The following ABR variants were observed in gnomAD, a reference collection of about 807,000 sequenced individuals.
ABR encodes active breakpoint cluster region-related protein.
ABR carries 35 observed loss-of-function variants against 107.2 expected under a neutral mutation model. The ratio of observed to expected loss-of-function variants is 0.33; its 90% CI spans 0.25 to 0.43. The LOEUF is 0.43. Among genes scored for constraint, ABR ranks in the 20% least tolerant of loss-of-function variants. ABR has a pLI of 1.00. For missense variants in ABR, 815 were observed against 1,115.2 expected (o/e 0.73, Z 3.83); for synonymous variants, 498 against 462.0 (o/e 1.08, Z -1.00).
intron 1 of ABR, among the ~76,000 whole-genome samples, chr17:1,162,645 C>A (rs2041348996): frequency 6.6e-6 from 1 of 152,052 alleles, no homozygotes; most frequent in Non-Finnish European, 1.5e-5. Flanking sequence ...TCCTGACGGG[C>A]CCTAATGGAT....
chr17:1,227,360 C>T (rs2043241358), intron 1 of ABR, among the ~76,000 whole-genome samples: 1 of 152,150 alleles, frequency 6.6e-6, no homozygotes, highest in African/African-American at 2.4e-5. Flanking sequence ...GTTGGGTAGC[C>T]TCCACCAAGG....
rs2043286248 is a variant in ABR, at chr17:1,229,221, TC to T, written c.409del (p.Glu137ArgfsTer62). ...GGGGTCCCCGAGGGGCGCGTCGTCC[TC>T]CCGGGCCCGGAACCGCAGCTGGGGC... On this transcript the variant is annotated frameshift_variant, in exon 1 of 23. Coordinates refer to the ABR transcript ENST00000574139. LOFTEE classifies it high-confidence loss of function. Among the ~76,000 whole-genome samples the T allele has an allele frequency of 6.6e-6, 1 of 151,450 alleles. No homozygotes were observed. The highest frequency in any genetic ancestry group is 1.5e-5 in the Non-Finnish European group (1 of 67,786).
chr17:1,079,025 G>GCC, intron 6 of ABR: 1 of 1,448,886 alleles, frequency 6.9e-7, no homozygotes, highest in Non-Finnish European at 9.1e-7. Context: ...GGAGGGAGGC[G>GCC]CGTGGCGAGG....
intron 3 of ABR, among the ~76,000 whole-genome samples, chr17:1,098,124 G>A (rs1306194223): frequency 6.6e-6 from 1 of 150,740 alleles, no homozygotes; most frequent in African/African-American, 2.4e-5. Flanking sequence ...CCAGGCTGGA[G>A]TGCAGTGGCG....
intron 1 of ABR, among the ~76,000 whole-genome samples, chr17:1,146,260 GACACACACACACACACAC>G (rs60058475): frequency 1.6e-4 from 23 of 140,216 alleles, no homozygotes; most frequent in African/African-American, 6.2e-4. Flanking sequence ...GGCACATGGA[GACACACACACACACACAC>G]ACACACACAC....
At chr17:1,012,292 C>T (rs967068482) in intron 18 of ABR, 2 of 642,232 alleles carry the variant, frequency 3.1e-6, no homozygotes, top group Non-Finnish European at 5.8e-6. Context: ...CAGCAGGCAG[C>T]CCACATGAGG....
chr17:1,214,578 G>A lies in ABR; in HGVS notation c.838+14215C>T, dbSNP rs78939064. 6.9e-3 allele frequency among the ~76,000 whole-genome samples: 1,049 copies of A among 152,036 alleles called. 48 individuals are homozygous for A. The East Asian group carries it at 0.13, about 19-fold the overall frequency. On this transcript the variant is annotated intron_variant, in intron 1 of 22. Coordinates refer to the ABR transcript ENST00000574139. ...GCACTTTGGGAGGCTGAGGCAGGTAGATCACCTGACGTCAGGAGTTCGAGA... is the reference window on the plus strand; with the variant it reads ...GCACTTTGGGAGGCTGAGGCAGGTAAATCACCTGACGTCAGGAGTTCGAGA...
chr17:1,157,485 A>G lies in ABR; in HGVS notation c.61+22182T>C, dbSNP rs1047303618. 2.6e-5 allele frequency among the ~76,000 whole-genome samples: 4 copies of G among 152,032 alleles called. No individual in the cohort carries two copies. The highest frequency in any genetic ancestry group is 7.3e-5 in the African/African-American group (3 of 41,374). On this transcript the variant is annotated intron_variant, in intron 1 of 22. Coordinates refer to ENST00000302538, the MANE Select transcript of ABR (RefSeq NM_021962.5). This position sits in a 1 kb window ranked among gnomAD's most constrained non-coding sequence, Gnocchi z 4.7. Reference sequence around the variant, plus strand: ...AGGCTGGTCTCGAACTCCTGACCTCATGTGATCTGCCTGCCTCGGCCTCCC... The same window carrying G: ...AGGCTGGTCTCGAACTCCTGACCTCGTGTGATCTGCCTGCCTCGGCCTCCC...
rs1291218652 is a variant in ABR at position 1,195,206 on chromosome 17, C to G, written c.838+33587G>C. ...CCTGTAGTCCCAGCTACTCGGGAGGCTGAGGCAGGAGAATGGCGTGAACCC... is the reference window on the plus strand; with the variant it reads ...CCTGTAGTCCCAGCTACTCGGGAGGGTGAGGCAGGAGAATGGCGTGAACCC... On this transcript the variant is annotated intron_variant, in intron 1 of 22. Coordinates refer to the ABR transcript ENST00000574139. Among the ~76,000 whole-genome samples the G allele has an allele frequency of 1.1e-4, 16 of 143,836 alleles. 1 individual carries two copies. The Admixed American group carries it at 1.2e-3, about 11-fold the overall frequency. 94.4% of individuals were successfully genotyped at this position (143,836 alleles called of 152,430 possible).
chr17:1,191,848 C>T (rs2042444351), upstream of ABR, among the ~76,000 whole-genome samples: 2 of 152,200 alleles, frequency 1.3e-5, no homozygotes, highest in African/African-American at 4.8e-5. Context: ...TGCCACACGA[C>T]CGCTCCAGGA....
chr17:1,005,499 C>A lies in ABR; in HGVS notation c.*581G>T. ...CGGCAAACGGCAGCATCAAACAGAC[C>A]ACTGCTGCCGCGGCAACCCAGGGCC... On this transcript the variant is annotated 3_prime_UTR_variant, in exon 23 of 23. Transcript: ENST00000302538. 1 of 232,818 alleles carries A rather than the reference C, an allele frequency of 4.3e-6. No individual in the cohort carries two copies. The highest frequency in any genetic ancestry group is 5.6e-5 in the Admixed American group (1 of 17,930). The allele number at this position is 232,818 out of a possible 1,614,324, so 14.4% of individuals were successfully genotyped here.
At chr17:1,176,410 T>C (rs757048529) in intron 1 of ABR, among the ~76,000 whole-genome samples, 4 of 152,244 alleles carry the variant, frequency 2.6e-5, no homozygotes, top group Non-Finnish European at 1.5e-5. Context: ...ATCCTCCTCA[T>C]TATTCTAGGG....
At chr17:1,030,771 C>T (rs560662667) in intron 16 of ABR, among the ~76,000 whole-genome samples, 242 of 152,372 alleles carry the variant, frequency 1.6e-3, no homozygotes, top group African/African-American at 5.6e-3. Flanking sequence ...TGGCCAAGGC[C>T]TCCCTTGTTG....
In ABR at chr17:1,010,242, T is replaced by G; in HGVS notation, c.2237-458A>C. On this transcript the variant is annotated intron_variant, in intron 20 of 22. Transcript: ENST00000302538. The surrounding 1 kb of genome is among the most constrained non-coding windows in gnomAD (Gnocchi z 4.1). ...CCAGGAGCAGAGAAGGCTGAAGGGA[T>G]TCCTTGGGGCTGGGTTTGGCCCAGG... 1 of 228,032 alleles carries G rather than the reference T, an allele frequency of 4.4e-6. No homozygotes were observed. Among genetic ancestry groups the G allele is most frequent in the Non-Finnish European group, 8.8e-6 (1 of 113,778 alleles). The allele number at this position is 228,032 out of a possible 1,614,324, so 14.1% of individuals were successfully genotyped here. A position where few individuals can be genotyped will look rare whatever the true frequency, so the allele number is the denominator to read the frequency against.
In ABR at chr17:1,037,078, C is replaced by CCCATCCTT. The variant is rs2073248796; in HGVS notation, c.1791+12964_1791+12971dup. On this transcript the variant is annotated intron_variant, in intron 16 of 22. Coordinates refer to ENST00000302538, the MANE Select transcript of ABR (RefSeq NM_021962.5). This position sits in a 1 kb window ranked among gnomAD's most constrained non-coding sequence, Gnocchi z 4.6. ...ATCCACCCATCCATCCACCCACCCA[C>CCCATCCTT]CCATCCTTCCATCCATCCATCCATC... 7.5e-6 allele frequency among the ~76,000 whole-genome samples: 1 copy of CCCATCCTT among 133,048 alleles called. No individual in the cohort carries two copies. The highest frequency in any genetic ancestry group is 1.6e-5 in the Non-Finnish European group (1 of 62,582). The allele number at this position is 133,048 out of a possible 152,430, so 87.3% of individuals were successfully genotyped here.
Position 1,091,854 on chromosome 17 carries a change from GGAGAAACA to G in ABR, c.346-12_346-5del. 6.2e-7 allele frequency: 1 copy of G among 1,611,478 alleles called. No homozygotes were observed. Among genetic ancestry groups the G allele is most frequent in the Non-Finnish European group, 8.5e-7 (1 of 1,178,616 alleles). On this transcript the variant is annotated splice_polypyrimidine_tract_variant and splice_region_variant and intron_variant, in intron 3 of 22. Transcript: ENST00000302538. ...TGGCCTTCAGGGGTTTCATGGGCTG[GGAGAAACA>G]GAGGAAGAAAGAGCAGAGGTCGGGG...
intron 1 of ABR, among the ~76,000 whole-genome samples, chr17:1,142,516 C>A (rs1469575382): frequency 6.7e-6 from 1 of 150,240 alleles, no homozygotes; most frequent in African/African-American, 2.5e-5. Context: ...ACCCGGGAGG[C>A]GGATGTTGCA....
chr17:1,048,660 G>A (rs1463083637), intron 16 of ABR, among the ~76,000 whole-genome samples: 2 of 118,230 alleles, frequency 1.7e-5, no homozygotes, highest in Non-Finnish European at 3.6e-5. Context: ...CAAGAAGCTC[G>A]GCGCCCAGCT....
In ABR at chr17:1,011,712, C is replaced by G; in HGVS notation, c.2101+134G>C. On this transcript the variant is annotated intron_variant, in intron 19 of 22. Coordinates refer to ENST00000302538, the MANE Select transcript of ABR (RefSeq NM_021962.5). The surrounding 1 kb of genome is among the most constrained non-coding windows in gnomAD (Gnocchi z 4.8). ...GGGGAGGGGATTACAAGAGAAAGCA[C>G]TTGCCACGGGGACTCTGAAGCAGAG... 2 of 1,171,658 alleles carry G rather than the reference C, an allele frequency of 1.7e-6. No individual in the cohort carries two copies. Among genetic ancestry groups the G allele is most frequent in the Non-Finnish European group, 2.3e-6 (2 of 869,722 alleles). 72.6% of individuals were successfully genotyped at this position (1,171,658 alleles called of 1,614,324 possible).
Sources: gnomAD v4.1 joint callset for allele counts (sites outside exome capture counted in the v4.1 genomes callset) on GRCh38, gnomAD v4.1.1 for gene constraint, Gnocchi (gnomAD v3.1) non-coding constraint, MANE v1.5 for transcripts, NCBI Gene and HGNC (gene_info 2026-07-23, HGNC 2026-07-21) for gene names.